Variants in SPG7 observed in about 807,000 individuals in gnomAD.
The protein encoded by SPG7 is SPG7 matrix AAA peptidase subunit, paraplegin, also known as mitochondrial inner membrane m-AAA protease component paraplegin.
SPG7 carries 103 observed loss-of-function variants against 81.9 expected under a neutral mutation model. The observed-to-expected ratio is 1.26, with a 90% confidence interval of 1.07 to 1.48. The LOEUF (loss-of-function observed/expected upper bound fraction) is 1.48, where lower values mean the gene tolerates loss of function less well. Ranked by LOEUF, SPG7 falls within the 40% of genes most tolerant of loss-of-function variation. The pLI, the probability that SPG7 is intolerant of heterozygous loss-of-function variation, is 0.00. For synonymous variants in SPG7, 534 were observed against 444.2 expected, an observed-to-expected ratio of 1.20 and a Z score of -2.54; for missense variants, 1,241 against 1,087.3, an observed-to-expected ratio of 1.14 and a Z score of -1.99.
Position 89,548,055 on chromosome 16 carries a change from G to A in SPG7, c.1605G>A (p.Glu535=). ...AGGCTGCGCTGCACGCGGCGCGGGA[G>A]GGACACACTTCCGTGCACACTCTCA... ...CNEAALHAAR[E]GHTSVHTLNF... is the part of the protein sequence containing the mutation. The change falls in exon 12 of 17, where the codon GAG becomes GAA. Residue 535 remains glutamate (E), a synonymous_variant. Coordinates refer to ENST00000645818, the MANE Select transcript of SPG7 (RefSeq NM_003119.4). 6.2e-7 allele frequency: 1 copy of A among 1,611,492 alleles called. No homozygotes were observed. The highest frequency in any genetic ancestry group is 8.5e-7 in the Non-Finnish European group (1 of 1,180,010).
intron 3 of SPG7, chr16:89,522,247 C>T (rs1463123212): frequency 2.0e-5 from 3 of 152,126 alleles, no homozygotes; most frequent in East Asian, 1.9e-4. Context: ...TAGTGGGTTT[C>T]ATTTTGTGTT....
chr16:89,532,470 C>T lies in SPG7; in HGVS notation c.1158C>T (p.Gly386=), dbSNP rs781743229. ...CTCTCTGTGTCCCCTCAGGCCTCGG[C>T]GCTGCCCGTGTGCGGAGCCTCTTTA... ...PEFVEVIGGL[G]AARVRSLFKE... The change falls in exon 9 of 17, where the codon GGC becomes GGT. Residue 386 remains glycine (G), a synonymous_variant. Transcript: ENST00000645818. 13 of 1,613,338 alleles carry T rather than the reference C, an allele frequency of 8.1e-6. No homozygotes were observed. Among genetic ancestry groups the T allele is most frequent in the South Asian group, 2.2e-5 (2 of 91,092 alleles).
intron 3 of SPG7, 33 bp downstream of exon 3, chr16:89,513,070 T>C (rs2058043966): frequency 1.3e-6 from 2 of 1,571,430 alleles, no homozygotes; most frequent in African/African-American, 1.4e-5. Context: ...AGTCAGTAGC[T>C]GCCTCTGGAT....
At chr16:89,550,196 G>A (rs576077053) in intron 12 of SPG7, 11 of 371,398 alleles carry the variant, frequency 3.0e-5, no homozygotes, top group South Asian at 1.7e-4. Context: ...TTTTTGAGAC[G>A]GAGTCTTGCT....
chr16:89,526,220 A>G, intron 4 of SPG7, 109 bp from the exon 5 acceptor site: 3 of 1,284,224 alleles, frequency 2.3e-6, no homozygotes, highest in Non-Finnish European at 3.4e-6. Context: ...TCCTCTTCAC[A>G]ATGCTGAGGT....
chr16:89,554,947 G>C (rs1001371061), intron 16 of SPG7: 1 of 260,570 alleles, frequency 3.8e-6, no homozygotes, highest in African/African-American at 2.3e-5. Context: ...ACAAAGTCTT[G>C]CTCTGTCACC....
At chr16:89,554,591 A>C in intron 16 of SPG7, 28 bp downstream of exon 16, 4 of 1,524,412 alleles carry the variant, frequency 2.6e-6, no homozygotes, top group Non-Finnish European at 3.6e-6. Context: ...CGTGGGGGCT[A>C]CGGCGTCACA....
chr16:89,546,840 T>G, intron 11 of SPG7, 80 bp downstream of exon 11: 4 of 922,508 alleles, frequency 4.3e-6, no homozygotes, highest in South Asian at 3.9e-5. Context: ...CATCGAGGCC[T>G]CCTCTGTGGG....
chr16:89,529,353 G>A (rs2058310085), intron 5 of SPG7, 124 bp from the exon 6 acceptor site: 2 of 721,182 alleles, frequency 2.8e-6, no homozygotes, highest in Non-Finnish European at 5.1e-6. Context: ...CTGCGCATCG[G>A]TCCCAGACGT....
At chr16:89,509,491 C>T (rs1018785780) in intron 1 of SPG7, among the ~76,000 whole-genome samples, 35 of 152,164 alleles carry the variant, frequency 2.3e-4, no homozygotes, top group African/African-American at 8.4e-4. Context: ...CCTTGTGATC[C>T]GCCTGCCTCG....
Position 89,508,679 on chromosome 16 carries a change from G to A in SPG7, c.183+79G>A. 2.3e-6 allele frequency: 3 copies of A among 1,324,618 alleles called. No individual in the cohort carries two copies. In the South Asian group the frequency reaches 4.5e-5, roughly 20 times the overall value. The allele number at this position is 1,324,618 out of a possible 1,614,324, so 82.1% of individuals were successfully genotyped here. On this transcript the variant is annotated intron_variant, in intron 1 of 16. Coordinates refer to ENST00000645818, the MANE Select transcript of SPG7 (RefSeq NM_003119.4). ...GCCCAGCCCGGCGGGGCGGGTCGGA[G>A]GCCGCCTGGCCCCTGCGGCGGGGGA...
intron 6 of SPG7, chr16:89,529,965 G>A (rs151097892): frequency 3.5e-4 from 112 of 320,198 alleles, no homozygotes; most frequent in African/African-American, 1.7e-3. Context: ...TCAGCTTCCC[G>A]AGTAGCTGGG....
chr16:89,553,672 G>C (rs561740006), intron 14 of SPG7, 122 bp from the exon 15 acceptor site: 9 of 925,832 alleles, frequency 9.7e-6, no homozygotes, highest in Non-Finnish European at 1.6e-5. Flanking sequence ...TTCACGGTGG[G>C]TCCTCGGGAG....
chr16:89,546,282 C>G, intron 10 of SPG7: 1 of 323,682 alleles, frequency 3.1e-6, no homozygotes, highest in Non-Finnish European at 6.0e-6. Context: ...GATGGGGTTT[C>G]ACCGTGTTGG....
intron 3 of SPG7, chr16:89,523,608 G>T (rs1276076401): frequency 4.5e-6 from 2 of 439,648 alleles, no homozygotes; most frequent in Non-Finnish European, 9.2e-6. Flanking sequence ...CTGAGACAGG[G>T]TCGTTCTCTG....
chr16:89,548,380 A>C, intron 12 of SPG7: 1 of 449,644 alleles, frequency 2.2e-6, no homozygotes, highest in Non-Finnish European at 4.0e-6. Flanking sequence ...AAAATAAAAA[A>C]TGCCCCCCAA....
At chr16:89,513,754 C>G (rs1209224362) in intron 3 of SPG7, among the ~76,000 whole-genome samples, 2 of 1,434 alleles carry the variant, frequency 1.4e-3, no homozygotes, top group Non-Finnish European at 0.11. Context: ...CGCTGGAAAT[C>G]AGCGTTGTTA....
At chr16:89,513,955 G>A (rs528941075) in intron 3 of SPG7, among the ~76,000 whole-genome samples, 1 of 152,164 alleles carries the variant, frequency 6.6e-6, no homozygotes, top group Non-Finnish European at 1.5e-5. Flanking sequence ...GCAGGAGTTT[G>A]TTTCAGGAGT....
rs1335431389 is a variant in SPG7, at chr16:89,514,725, C to G, written c.376+1688C>G. Among the ~76,000 whole-genome samples the G allele has an allele frequency of 1.3e-5, 2 of 151,946 alleles. 1 individual carries two copies. The highest frequency in any genetic ancestry group is 4.1e-4 in the South Asian group (2 of 4,830). On this transcript the variant is annotated intron_variant, in intron 3 of 16. Coordinates refer to ENST00000645818, the MANE Select transcript of SPG7 (RefSeq NM_003119.4). ...ATGTTAGCCAGGATGGTCTCGATCTCCTGACCTTGTGATCTGCTCACCTTG... is the reference window on the plus strand; with the variant it reads ...ATGTTAGCCAGGATGGTCTCGATCTGCTGACCTTGTGATCTGCTCACCTTG...
Sources: allele counts gnomAD v4.1 joint callset (sites outside exome capture counted in the v4.1 genomes callset), GRCh38; gene constraint gnomAD v4.1.1; transcripts MANE v1.5; gene names NCBI Gene and HGNC (gene_info 2026-07-23, HGNC 2026-07-21).